UNC13C: variants seen among roughly 807,000 people sequenced by gnomAD.
The protein encoded by UNC13C is unc-13 homolog C.
In UNC13C, 174 loss-of-function variants were observed where a neutral mutation model predicts 245.4. That is an observed-to-expected ratio of 0.71 (90% confidence interval 0.63 to 0.80). The LOEUF is 0.80. UNC13C is among the 30% of genes least tolerant of loss of function. The pLI, the probability that UNC13C is intolerant of heterozygous loss-of-function variation, is 0.00. For synonymous variants in UNC13C, 992 were observed against 895.1 expected, an observed-to-expected ratio of 1.11 and a Z score of -1.93; for missense variants, 2,829 against 2,602.9, an observed-to-expected ratio of 1.09 and a Z score of -1.89.
intron 10 of UNC13C, among the ~76,000 whole-genome samples, chr15:54,287,720 G>T (rs2140926838): frequency 6.6e-6 from 1 of 152,274 alleles, no homozygotes; most frequent in South Asian, 2.1e-4. Context: ...TCCATCTCTA[G>T]TTGCAGGAGA....
At chr15:53,925,780 G>C in the UNC13C span, among the ~76,000 whole-genome samples, 1 of 152,146 alleles carries the variant, frequency 6.6e-6, no homozygotes, top group Non-Finnish European at 1.5e-5. Context: ...TAATCTTCAG[G>C]TGTCTCCGAA....
intron 2 of UNC13C, among the ~76,000 whole-genome samples, chr15:54,071,525 A>G (rs1463950132): frequency 6.6e-6 from 1 of 152,152 alleles, no homozygotes; most frequent in African/African-American, 2.4e-5. Context: ...CAAAAAAATG[A>G]GACTCCATAT....
chr15:54,339,622 A>T (rs2038678821), intron 17 of UNC13C, among the ~76,000 whole-genome samples: 1 of 148,932 alleles, frequency 6.7e-6, no homozygotes, highest in South Asian at 2.1e-4. Context: ...GCTGAATAGT[A>T]GTATTCCATT....
intron 17 of UNC13C, among the ~76,000 whole-genome samples, chr15:54,366,528 T>C (rs2039369976): frequency 6.6e-6 from 1 of 152,158 alleles, no homozygotes; most frequent in South Asian, 2.1e-4. Flanking sequence ...TAACCCACTG[T>C]AGTTTTTTGT....
At position 54,437,356 on chromosome 15, in the gene UNC13C, G is replaced by C. The variant is rs979073119; in HGVS notation, c.4933+22289G>C. ...TATTGTTGTTACATCTATTATATAAGCTTCAAAGGAACTCACTCAACAGAT... is the reference window on the plus strand; with the variant it reads ...TATTGTTGTTACATCTATTATATAACCTTCAAAGGAACTCACTCAACAGAT... On this transcript the variant is annotated intron_variant, in intron 19 of 32. Transcript: ENST00000260323. Among the ~76,000 whole-genome samples, 8 of 151,960 alleles carry C rather than the reference G, an allele frequency of 5.3e-5. 1 individual carries two copies. The highest frequency in any genetic ancestry group is 7.4e-5 in the Non-Finnish European group (5 of 67,914).
At chr15:54,547,652 G>C (rs148973460) in intron 27 of UNC13C, among the ~76,000 whole-genome samples, 1 of 152,108 alleles carries the variant, frequency 6.6e-6, no homozygotes, top group African/African-American at 2.4e-5. Context: ...AAAGTGTTCC[G>C]AGATGCAAAT....
chr15:54,227,199 A>G (rs2035411407), intron 4 of UNC13C, among the ~76,000 whole-genome samples: 1 of 152,016 alleles, frequency 6.6e-6, no homozygotes, highest in Non-Finnish European at 1.5e-5. Flanking sequence ...AGTCTGGCTG[A>G]GTTCAGGTTT....
At chr15:53,857,766 A>G in the UNC13C span, among the ~76,000 whole-genome samples, 3 of 152,230 alleles carry the variant, frequency 2.0e-5, no homozygotes, top group Non-Finnish European at 4.4e-5. Context: ...TTGGCAGATG[A>G]TTAGGAGGAA....
chr15:53,912,757 C>G, the UNC13C span: 58,090 of 115,924 alleles, frequency 0.5, 11,156 homozygotes, highest in Middle Eastern at 0.58. Context: ...TACTGGGGGG[C>G]GGCGGGGGAG....
chr15:53,889,866 C>T, the UNC13C span, among the ~76,000 whole-genome samples: 1 of 152,154 alleles, frequency 6.6e-6, no homozygotes, highest in Admixed American at 6.5e-5. Context: ...TATTGATTTG[C>T]ATATGTTGAA....
At chr15:54,452,130 G>C in intron 19 of UNC13C, among the ~76,000 whole-genome samples, 1 of 152,336 alleles carries the variant, frequency 6.6e-6, no homozygotes, top group East Asian at 1.9e-4. Flanking sequence ...CATCACCTGG[G>C]TGAGTCCTCA....
chr15:54,191,113 C>T (rs925869913), intron 4 of UNC13C, among the ~76,000 whole-genome samples: 1 of 152,090 alleles, frequency 6.6e-6, no homozygotes, highest in Non-Finnish European at 1.5e-5. Flanking sequence ...AGGTTTGTTA[C>T]ATAGGTATAC....
chr15:54,463,254 T>C (rs1185324455), intron 19 of UNC13C, among the ~76,000 whole-genome samples: 1 of 10,368 alleles, frequency 9.6e-5, no homozygotes, highest in Non-Finnish European at 1.6e-4. Context: ...GGCCAATCAG[T>C]AGAATGTGGG....
chr15:54,483,976 A>G (rs941665008), intron 19 of UNC13C, among the ~76,000 whole-genome samples: 1 of 151,694 alleles, frequency 6.6e-6, no homozygotes, highest in Non-Finnish European at 1.5e-5. Context: ...ACACTCACAC[A>G]CTTCCTGGCT....
the UNC13C span, among the ~76,000 whole-genome samples, chr15:53,870,067 C>T: frequency 6.6e-6 from 1 of 152,170 alleles, no homozygotes; most frequent in African/African-American, 2.4e-5. Flanking sequence ...TAAAGTTTTT[C>T]CCACCAGCCT....
rs184496841 is a variant in UNC13C, at chr15:54,357,270, A to C, written c.4713+18781A>C. Among the ~76,000 whole-genome samples the C allele has an allele frequency of 7.3e-4, 111 of 152,158 alleles. 1 individual carries two copies. The highest frequency in any genetic ancestry group is 2.7e-3 in the African/African-American group (111 of 41,554). ...TGTCTTAAAGCAGTGTTTTATTATA[A>C]ATTTCAAAATAAAAGATAATTATGA... On this transcript the variant is annotated intron_variant, in intron 17 of 32. Transcript: ENST00000260323.
In UNC13C at chr15:54,170,247, T is replaced by C. The variant is rs1425044281; in HGVS notation, c.3071+26563T>C. Among the ~76,000 whole-genome samples the C allele has an allele frequency of 3.9e-5, 6 of 152,064 alleles. No individual in the cohort carries two copies. The East Asian group carries it at 5.8e-4, about 15-fold the overall frequency. On this transcript the variant is annotated intron_variant, in intron 4 of 32. Transcript: ENST00000260323. ...GAGAAGCATTTGTATATGAGAAATATACAACGTGTTAATAAAATAGAGATT... is the reference window on the plus strand; with the variant it reads ...GAGAAGCATTTGTATATGAGAAATACACAACGTGTTAATAAAATAGAGATT...
At chr15:54,577,297 G>A (rs1167410171) in intron 30 of UNC13C, among the ~76,000 whole-genome samples, 1 of 152,198 alleles carries the variant, frequency 6.6e-6, no homozygotes, top group South Asian at 2.1e-4. Context: ...GTATGCCACT[G>A]TGCACAGTTT....
At chr15:54,080,999 A>G (rs1898911001) in intron 2 of UNC13C, among the ~76,000 whole-genome samples, 2 of 151,804 alleles carry the variant, frequency 1.3e-5, no homozygotes, top group African/African-American at 4.8e-5. Context: ...TGGTTTTGGT[A>G]TGTTGTGTGT....
Sources: allele counts gnomAD v4.1 joint callset (sites outside exome capture counted in the v4.1 genomes callset), GRCh38; gene constraint gnomAD v4.1.1; transcripts MANE v1.5; gene names NCBI Gene and HGNC (gene_info 2026-07-23, HGNC 2026-07-21).